The following OR52I2 variants were observed in gnomAD, a reference collection of about 807,000 sequenced individuals.
OR52I2 encodes olfactory receptor family 52 subfamily I member 2.
For missense variants in OR52I2, 350 were observed against 402.4 expected (o/e 0.87, Z 1.11); for synonymous variants, 147 against 151.9 (o/e 0.97, Z 0.24).
chr11:4,582,124 G>A (rs1352022394), intron 1 of OR52I2, among the ~76,000 whole-genome samples: 2 of 152,190 alleles, frequency 1.3e-5, no homozygotes, highest in African/African-American at 4.8e-5. Context: ...CCAATTTTGA[G>A]CTGGTGGAGT....
chr11:4,582,688 G>A (rs569306462), intron 1 of OR52I2, among the ~76,000 whole-genome samples: 65 of 152,000 alleles, frequency 4.3e-4, no homozygotes, highest in Non-Finnish European at 6.3e-4. Context: ...TACCACCTCG[G>A]CCTCCCAAAG....
chr11:4,587,248 C>T, exon 2 of OR52I2: 1 of 1,614,108 alleles, frequency 6.2e-7, no homozygotes, highest in Non-Finnish European at 8.5e-7. Context: ...GGGGCTGCTG[C>T]TGACCATGGC....
chr11:4,588,215 C>CTACA, exon 2 of OR52I2: 66 of 258,634 alleles, frequency 2.6e-4, no homozygotes, highest in Middle Eastern at 1.3e-3. Context: ...ACAACAAAGA[C>CTACA]CGCTCACCAT....
At chr11:4,592,943 C>T (rs1478482447) in exon 2 of OR52I2, 1 of 152,176 alleles carries the variant, frequency 6.6e-6, no homozygotes, top group Non-Finnish European at 1.5e-5. Context: ...TGGATGGACA[C>T]CTGGGAGTCA....
exon 2 of OR52I2, chr11:4,588,085 G>GTAGAGAATACACATTTGATTGAAC (rs1846322486): frequency 8.8e-6 from 5 of 565,148 alleles, no homozygotes; most frequent in African/African-American, 1.9e-5. Context: ...ACAAGTTTTG[G>GTAGAGAATACACATTTGATTGAAC]TAGAGAATAC....
chr11:4,582,756 G>A (rs1240706255), intron 1 of OR52I2, among the ~76,000 whole-genome samples: 2 of 151,808 alleles, frequency 1.3e-5, no homozygotes, highest in Non-Finnish European at 2.9e-5. Context: ...GCTACTTTTC[G>A]GTGATTGGCC....
intron 1 of OR52I2, among the ~76,000 whole-genome samples, chr11:4,585,069 T>C (rs1446800767): frequency 1.3e-5 from 2 of 152,196 alleles, no homozygotes; most frequent in Admixed American, 1.3e-4. Context: ...CTCCTTTTTA[T>C]GGATGAAGAA....
chr11:4,587,916 G>T (rs1171065824), exon 2 of OR52I2: 1 of 1,453,928 alleles, frequency 6.9e-7, no homozygotes, highest in Non-Finnish European at 9.5e-7. Context: ...TTAGAGATCT[G>T]CAGAGCTTAG....
intron 1 of OR52I2, among the ~76,000 whole-genome samples, chr11:4,582,588 C>T (rs1056150703): frequency 1.3e-5 from 2 of 151,510 alleles, no homozygotes; most frequent in Middle Eastern, 3.4e-3. Flanking sequence ...TACAGGTGCT[C>T]GCCACCATGC....
intron 1 of OR52I2, among the ~76,000 whole-genome samples, chr11:4,586,038 T>C (rs1278196391): frequency 3.3e-5 from 5 of 152,202 alleles, no homozygotes; most frequent in Non-Finnish European, 7.4e-5. Context: ...AAAAGCTTAC[T>C]GGGTAAAGTT....
chr11:4,583,538 T>C (rs1846276625), intron 1 of OR52I2, among the ~76,000 whole-genome samples: 1 of 152,192 alleles, frequency 6.6e-6, no homozygotes, highest in African/African-American at 2.4e-5. Flanking sequence ...GTTTCAAGCA[T>C]ATCCTGAATT....
intron 1 of OR52I2, among the ~76,000 whole-genome samples, chr11:4,585,165 A>G (rs1846289790): frequency 6.6e-6 from 1 of 152,176 alleles, no homozygotes; most frequent in South Asian, 2.1e-4. Flanking sequence ...ATGGGTATGA[A>G]TCTAGAACCA....
exon 2 of OR52I2, chr11:4,589,569 C>A (rs1846335520): frequency 6.6e-6 from 1 of 151,754 alleles, no homozygotes; most frequent in Non-Finnish European, 1.5e-5. Context: ...ATTACTGATA[C>A]CAAGAATGTA....
At chr11:4,592,259 C>T (rs1564861362) in exon 2 of OR52I2, 3 of 152,130 alleles carry the variant, frequency 2.0e-5, no homozygotes, top group Admixed American at 6.6e-5. Context: ...GTATTATTAA[C>T]TCTAATGGGT....
chr11:4,585,294 G>A (rs115562213), intron 1 of OR52I2, among the ~76,000 whole-genome samples: 1 of 152,106 alleles, frequency 6.6e-6, no homozygotes, highest in Non-Finnish European at 1.5e-5. Flanking sequence ...AAAAAACCTA[G>A]GGGTTCCATG....
At chr11:4,587,319 A>G in exon 2 of OR52I2, 2 of 1,613,234 alleles carry the variant, frequency 1.2e-6, no homozygotes, top group Non-Finnish European at 8.5e-7. Flanking sequence ...TCACGCCTCA[A>G]GTGATGCTGG....
At chr11:4,587,186 G>A (rs1318985718) in exon 2 of OR52I2, 1 of 1,614,196 alleles carries the variant, frequency 6.2e-7, no homozygotes, top group Non-Finnish European at 8.5e-7. Context: ...ATCAGCTTTA[G>A]TGCTTGTTTC....
intron 1 of OR52I2, among the ~76,000 whole-genome samples, 195 bp downstream of exon 1, chr11:4,582,059 G>C (rs1406332196): frequency 6.6e-6 from 1 of 152,218 alleles, no homozygotes. Flanking sequence ...GGGAGGTGGA[G>C]AGGGAACGGA....
chr11:4,581,751 T>C (rs1846259465), exon 1 of OR52I2: 1 of 152,256 alleles, frequency 6.6e-6, no homozygotes, highest in Non-Finnish European at 1.5e-5. Flanking sequence ...GTGTCATTTT[T>C]TCCTGCTCCT....
Sources: gnomAD v4.1 joint callset for allele counts (sites outside exome capture counted in the v4.1 genomes callset) on GRCh38, gnomAD v4.1.1 for gene constraint, MANE v1.5 for transcripts, NCBI Gene and HGNC (gene_info 2026-07-23, HGNC 2026-07-21) for gene names.